TPRG1: variants seen among roughly 807,000 people sequenced by gnomAD.
The protein encoded by TPRG1 is tumor protein p63-regulated gene 1 protein.
TPRG1 carries 29 observed loss-of-function variants against 29.3 expected under a neutral mutation model. That is an observed-to-expected ratio of 0.99 (90% CI 0.74 to 1.35). The LOEUF (loss-of-function observed/expected upper bound fraction) is 1.35. TPRG1 is among the 40% of genes most tolerant of loss of function. The probability of loss-of-function intolerance (pLI) is 0.00; values close to 1 mark genes in which losing one functional copy is unlikely to be tolerated. For synonymous variants in TPRG1, 130 were observed against 116.8 expected (o/e 1.11, Z -0.73); for missense variants, 327 against 335.0 (o/e 0.98, Z 0.19).
chr3:189,225,587 T>C (rs987844413), intron 3 of TPRG1, among the ~76,000 whole-genome samples: 4 of 152,234 alleles, frequency 2.6e-5, no homozygotes, highest in Non-Finnish European at 4.4e-5. Context: ...TCAACACTTC[T>C]AGACCATTTT....
intron 3 of TPRG1, among the ~76,000 whole-genome samples, chr3:189,007,257 A>C (rs1043862730): frequency 6.6e-6 from 1 of 151,606 alleles, no homozygotes; most frequent in African/African-American, 2.4e-5. Flanking sequence ...GACACTTCTC[A>C]AAAGAAGACA....
At chr3:189,183,218 G>A (rs1350939174) in intron 1 of TPRG1, among the ~76,000 whole-genome samples, 1 of 152,268 alleles carries the variant, frequency 6.6e-6, no homozygotes, top group Non-Finnish European at 1.5e-5. Context: ...GTTCCATGAT[G>A]CCCCGCAAGC....
intron 5 of TPRG1, among the ~76,000 whole-genome samples, chr3:189,311,998 TTAA>T (rs762923631): frequency 2.0e-5 from 3 of 152,156 alleles, no homozygotes; most frequent in Non-Finnish European, 2.9e-5. Context: ...GAAGTTCTTA[TTAA>T]TAATAACACA....
intron 4 of TPRG1, among the ~76,000 whole-genome samples, chr3:189,083,107 T>C (rs1484751229): frequency 6.6e-6 from 1 of 152,108 alleles, no homozygotes; most frequent in African/African-American, 2.4e-5. Flanking sequence ...GTGTGGAAGC[T>C]GGCAGGCCTG....
At chr3:189,094,520 C>T (rs964025981) in intron 4 of TPRG1, among the ~76,000 whole-genome samples, 2 of 152,158 alleles carry the variant, frequency 1.3e-5, no homozygotes, top group African/African-American at 2.4e-5. Flanking sequence ...AACTGCTTCA[C>T]GTCCTTGAGC....
chr3:189,163,924 T>A lies in TPRG1; in HGVS notation c.-10+13052T>A, dbSNP rs78957531. ...GAAAACAATTGGATAAGATGATACC[T>A]TTAGCTAATAGTCTTTGGTTCTCAA... On this transcript the variant is annotated intron_variant, in intron 5 of 6. Coordinates refer to the TPRG1 transcript ENST00000412373. 5.6e-3 allele frequency among the ~76,000 whole-genome samples: 845 copies of A among 151,674 alleles called. 9 individuals are homozygous for A. Among genetic ancestry groups the A allele is most frequent in the African/African-American group, 0.02 (824 of 41,156 alleles).
At chr3:189,178,049 C>A (rs561572361) in intron 1 of TPRG1, among the ~76,000 whole-genome samples, 52 of 152,192 alleles carry the variant, frequency 3.4e-4, no homozygotes, top group Admixed American at 8.5e-4. Context: ...TTGGATGATG[C>A]CTGAGAACTG....
chr3:189,001,584 C>G (rs931433805), intron 2 of TPRG1, among the ~76,000 whole-genome samples: 1 of 152,104 alleles, frequency 6.6e-6, no homozygotes, highest in Non-Finnish European at 1.5e-5. Flanking sequence ...ACTTACCTCC[C>G]CAAAGTCCTA....
At chr3:189,037,360 CAGT>C (rs1714338265) in intron 4 of TPRG1, among the ~76,000 whole-genome samples, 1 of 151,668 alleles carries the variant, frequency 6.6e-6, no homozygotes, top group African/African-American at 2.4e-5. Flanking sequence ...ATCAATGTAA[CAGT>C]AGTAATTTAC....
intron 4 of TPRG1, among the ~76,000 whole-genome samples, chr3:189,050,680 T>G (rs1233208169): frequency 6.6e-6 from 1 of 152,112 alleles, no homozygotes; most frequent in African/African-American, 2.4e-5. Flanking sequence ...GCTAAAACCC[T>G]TAACAAAATA....
At chr3:189,256,576 C>T (rs1044542014) in intron 4 of TPRG1, among the ~76,000 whole-genome samples, 2 of 152,074 alleles carry the variant, frequency 1.3e-5, no homozygotes, top group African/African-American at 4.8e-5. Context: ...TTTTCTGTCT[C>T]GTTGATCTGT....
Position 189,320,805 on chromosome 3 carries a change from G to T in TPRG1, c.813G>T (p.Gly271=), listed in dbSNP as rs747118136. Residue 271 remains glycine, a synonymous_variant, in exon 6 of 6, where the codon GGG becomes GGT. Coordinates refer to ENST00000345063, the MANE Select transcript of TPRG1 (RefSeq NM_198485.4). ...AACTTGGCTATTCCCTTGCCCGTGG[G>T]AGTATTGGTTTTTGAGAGTCTTTTT... is the stretch of plus-strand genomic sequence containing the variant. ...RNKLGYSLAR[G]SIGF 4.6e-5 allele frequency: 74 copies of T among 1,591,960 alleles called. No individual in the cohort carries two copies. In the South Asian group the frequency reaches 7.7e-4, roughly 17 times the overall value.
chr3:189,261,008 G>A (rs540234499), intron 4 of TPRG1, among the ~76,000 whole-genome samples: 10 of 152,266 alleles, frequency 6.6e-5, no homozygotes, highest in Admixed American at 2.0e-4. Flanking sequence ...TGCTGGCTTC[G>A]CGTCTGTCAG....
At chr3:189,027,516 G>A (rs769333315) in intron 4 of TPRG1, among the ~76,000 whole-genome samples, 2 of 152,138 alleles carry the variant, frequency 1.3e-5, no homozygotes, top group Non-Finnish European at 2.9e-5. Flanking sequence ...ATAAATACAC[G>A]CATGGTGTAT....
chr3:189,274,584 C>T (rs1461317077), intron 4 of TPRG1, among the ~76,000 whole-genome samples: 2 of 152,096 alleles, frequency 1.3e-5, no homozygotes, highest in East Asian at 3.9e-4. Flanking sequence ...GATAGTAGCA[C>T]TGAGACTTCT....
chr3:189,003,141 T>C (rs1346477823), intron 2 of TPRG1, among the ~76,000 whole-genome samples: 2 of 152,114 alleles, frequency 1.3e-5, no homozygotes, highest in East Asian at 3.9e-4. Flanking sequence ...GAGACAATGA[T>C]TGTGTTTGGG....
intron 4 of TPRG1, among the ~76,000 whole-genome samples, chr3:189,306,744 T>C (rs1321422789): frequency 2.0e-5 from 3 of 152,180 alleles, no homozygotes; most frequent in Non-Finnish European, 4.4e-5. Flanking sequence ...TGGTTCATAG[T>C]AGACACTCAA....
chr3:189,322,191 A>C lies in TPRG1; in HGVS notation c.*1371A>C, dbSNP rs911856739. 6.6e-6 allele frequency: 1 copy of C among 152,122 alleles called. No homozygotes were observed. Among genetic ancestry groups the C allele is most frequent in the African/African-American group, 2.4e-5 (1 of 41,448 alleles). The allele number at this position is 152,122 out of a possible 1,614,324, so 9.4% of individuals were successfully genotyped here. ...CACATCTTTGTTGATGTTTAAGTTG[A>C]AATTCCAGCCAACTTTTTTTTGACT... is the stretch of plus-strand genomic sequence containing the variant. On this transcript the variant is annotated 3_prime_UTR_variant, in exon 6 of 6. Coordinates refer to ENST00000345063, the MANE Select transcript of TPRG1 (RefSeq NM_198485.4).
chr3:189,273,932 T>G (rs948236992), intron 4 of TPRG1, among the ~76,000 whole-genome samples: 11 of 152,202 alleles, frequency 7.2e-5, no homozygotes, highest in African/African-American at 2.7e-4. Flanking sequence ...ATGTTGCCAT[T>G]GACCAGGACA....
Sources: allele counts gnomAD v4.1 joint callset (sites outside exome capture counted in the v4.1 genomes callset), GRCh38; gene constraint gnomAD v4.1.1; transcripts MANE v1.5; gene names NCBI Gene and HGNC (gene_info 2026-07-23, HGNC 2026-07-21).